The following IFT122 variants were observed in gnomAD, a reference collection of about 807,000 sequenced individuals.
The protein encoded by IFT122 is intraflagellar transport 122.
IFT122 carries 118 observed loss-of-function variants against 161.6 expected under a neutral mutation model. The ratio of observed to expected loss-of-function variants is 0.73; its 90% confidence interval spans 0.63 to 0.85. The LOEUF (loss-of-function observed/expected upper bound fraction) is 0.85. Among genes scored for constraint, IFT122 ranks in the 40% least tolerant of loss-of-function variants. IFT122 has a pLI of 0.00. For missense variants in IFT122, 1,381 were observed against 1,579.6 expected (o/e 0.87, Z 2.13); for synonymous variants, 550 against 602.4 (o/e 0.91, Z 1.27).
At chr3:129,506,307 C>T in intron 21 of IFT122, 102 bp from the exon 22 acceptor site, 1 of 1,394,434 alleles carries the variant, frequency 7.2e-7, no homozygotes, top group Non-Finnish European at 1.0e-6. Flanking sequence ...GAGTGTCCTA[C>T]TTCCAAAGCA....
intron 18 of IFT122, among the ~76,000 whole-genome samples, chr3:129,498,454 A>G (rs1365612137): frequency 6.6e-6 from 1 of 152,214 alleles, no homozygotes; most frequent in Non-Finnish European, 1.5e-5. Context: ...GGCCCAAACT[A>G]GGCGGGGACA....
intron 12 of IFT122, 139 bp downstream of exon 12, chr3:129,478,357 CTTTCATT>C: frequency 1.4e-6 from 1 of 714,610 alleles, no homozygotes; most frequent in Non-Finnish European, 2.5e-6. Context: ...TGCTTATTGG[CTTTCATT>C]TTCCTGGCAT....
intron 22 of IFT122, 70 bp from the exon 23 acceptor site, chr3:129,507,598 C>A: frequency 8.3e-7 from 1 of 1,204,956 alleles, no homozygotes; most frequent in Non-Finnish European, 1.2e-6. Flanking sequence ...CTGGCCCCTC[C>A]TCCTGGGGCC....
At chr3:129,496,766 C>G (rs2080900500) in intron 18 of IFT122, among the ~76,000 whole-genome samples, 2 of 152,166 alleles carry the variant, frequency 1.3e-5, no homozygotes, top group Non-Finnish European at 1.5e-5. Flanking sequence ...TCTACTTTTT[C>G]CTCGTCACCT....
At chr3:129,512,180 G>T (rs2108628453) in intron 23 of IFT122, 132 bp from the exon 24 acceptor site, 1 of 766,394 alleles carries the variant, frequency 1.3e-6, no homozygotes, top group East Asian at 2.4e-5. Flanking sequence ...TCAGCACACA[G>T]TAGGAGTAGG....
In IFT122 at chr3:129,467,063, A is replaced by G. The variant is rs2076881860; in HGVS notation, c.737A>G (p.Asn246Ser). Residue 246 changes from asparagine to serine, a missense_variant, in exon 8 of 30, where the codon AAC (asparagine) becomes AGC (serine). By Grantham distance (46) the Asn-to-Ser change is conservative. Transcript: ENST00000348417. The part of the protein sequence containing the change: ...EEEDDSPRDD[N>S]LEERNDILAV... ...GAGGACGACAGTCCCAGGGACGACAACTTGTGAGTGTGTCCCAGTGAGTGG... is the reference window on the plus strand; with the variant it reads ...GAGGACGACAGTCCCAGGGACGACAGCTTGTGAGTGTGTCCCAGTGAGTGG... 3 of 1,613,342 alleles carry G rather than the reference A, an allele frequency of 1.9e-6. No homozygotes were observed. Among genetic ancestry groups the G allele is most frequent in the African/African-American group, 1.3e-5 (1 of 74,916 alleles).
At chr3:129,495,289 G>A (rs1436862999) in intron 17 of IFT122, among the ~76,000 whole-genome samples, 157 bp from the exon 18 acceptor site, 2 of 152,116 alleles carry the variant, frequency 1.3e-5, no homozygotes, top group South Asian at 2.1e-4. Context: ...CCTTCCCAGC[G>A]GGAACCTAGG....
chr3:129,461,057 A>G, intron 4 of IFT122, 171 bp from the exon 5 acceptor site: 1 of 993,252 alleles, frequency 1.0e-6, no homozygotes, highest in Non-Finnish European at 1.6e-6. Flanking sequence ...GAGAAGGAGA[A>G]TTAATTCTTT....
In IFT122 at chr3:129,469,428, C is replaced by T; in HGVS notation, c.816+11C>T. 2.5e-6 allele frequency: 4 copies of T among 1,603,482 alleles called. No individual in the cohort carries two copies. Among genetic ancestry groups the T allele is most frequent in the Non-Finnish European group, 3.4e-6 (4 of 1,170,542 alleles). On this transcript the variant is annotated intron_variant, in intron 9 of 29. Coordinates refer to ENST00000348417, the MANE Select transcript of IFT122 (RefSeq NM_052989.3). ...CTGAGTGGAAAACAGGTATGTAGCC[C>T]TGTACAAATCCAATTGCAGTCATGC...
At chr3:129,476,561 C>T in intron 10 of IFT122, 55 bp downstream of exon 10, 1 of 1,612,364 alleles carries the variant, frequency 6.2e-7, no homozygotes, top group Non-Finnish European at 8.5e-7. Flanking sequence ...CACTGAGCAG[C>T]CGCCGTGTCT....
chr3:129,466,797 CT>C lies in IFT122; in HGVS notation c.564-92del. ...GGATTACAGGCGTGAGTCACTGCAC[CT>C]GGCCCCCAGGGGCTCCTTGCCAGGA... is the stretch of plus-strand genomic sequence containing the variant. On this transcript the variant is annotated intron_variant, in intron 7 of 29. Transcript: ENST00000348417. The C allele has an allele frequency of 5.6e-6, 7 of 1,253,220 alleles. No homozygotes were observed. The South Asian group carries it at 8.4e-5, about 15-fold the overall frequency. 77.6% of individuals were successfully genotyped at this position (1,253,220 alleles called of 1,614,324 possible).
chr3:129,488,139 G>A (rs2079544317), intron 15 of IFT122, 118 bp from the exon 16 acceptor site: 29 of 1,567,674 alleles, frequency 1.8e-5, no homozygotes, highest in Non-Finnish European at 2.2e-5. Flanking sequence ...CGGCTGCAGG[G>A]CTGCTCCCCA....
At chr3:129,488,167 C>T (rs758335206) in intron 15 of IFT122, 90 bp from the exon 16 acceptor site, 2 of 1,606,390 alleles carry the variant, frequency 1.2e-6, no homozygotes, top group Non-Finnish European at 1.7e-6. Context: ...GTAATCATCC[C>T]ACGCATCTGG....
At chr3:129,506,642 C>T in intron 22 of IFT122, 93 bp downstream of exon 22, 1 of 1,557,126 alleles carries the variant, frequency 6.4e-7, no homozygotes. Flanking sequence ...AATTAAAGCC[C>T]TGGGCTTGTT....
intron 1 of IFT122, among the ~76,000 whole-genome samples, chr3:129,443,535 C>T (rs564911557): frequency 9.2e-5 from 14 of 152,340 alleles, no homozygotes; most frequent in African/African-American, 3.1e-4. Flanking sequence ...ATGACAAGGT[C>T]TAGAGTCCTT....
rs1476745779 is a variant in IFT122 at position 129,483,704 on chromosome 3, C to G, written c.1851+22C>G. On this transcript the variant is annotated intron_variant, in intron 15 of 29. Coordinates refer to ENST00000348417, the MANE Select transcript of IFT122 (RefSeq NM_052989.3). The stretch of plus-strand genomic sequence containing the variant: ...GCAGGTAACTGGGGGTGCCTGTCCA[C>G]TCTTAGCACTGGCAAGGCTGACAAG... 3.2e-6 allele frequency: 5 copies of G among 1,565,594 alleles called. No homozygotes were observed. The African/African-American group carries it at 6.8e-5, about 21-fold the overall frequency.
At chr3:129,465,114 AGTGTGTGTGTGTGTGTGTGTGTGT>A (rs56116340) in intron 7 of IFT122, among the ~76,000 whole-genome samples, 119 of 142,416 alleles carry the variant, frequency 8.4e-4, no homozygotes, top group Middle Eastern at 7.0e-3. Context: ...CATGTATATG[AGTGTGTGTGTGTGTGTGTGTGTGT>A]GTGTGTGTGT....
intron 25 of IFT122, 38 bp downstream of exon 25, chr3:129,514,592 C>G (rs766892145): frequency 4.3e-6 from 7 of 1,611,798 alleles, no homozygotes; most frequent in East Asian, 2.2e-5. Flanking sequence ...GGCTTCTCCT[C>G]TCCCTTGAGG....
chr3:129,481,322 C>T, intron 13 of IFT122: 1 of 567,330 alleles, frequency 1.8e-6, no homozygotes, highest in Non-Finnish European at 3.3e-6. Flanking sequence ...TCTGCAGCCT[C>T]TGATGAACCT....
Sources: allele counts gnomAD v4.1 joint callset (sites outside exome capture counted in the v4.1 genomes callset), GRCh38; gene constraint gnomAD v4.1.1; transcripts MANE v1.5; gene names NCBI Gene and HGNC (gene_info 2026-07-23, HGNC 2026-07-21).